DOK5: variants seen among roughly 807,000 people sequenced by gnomAD.
The protein encoded by DOK5 is docking protein 5, also known as downstream of tyrosine kinase 5.
A neutral mutation model predicts 43.3 loss-of-function variants in DOK5; 27 were observed. The ratio of observed to expected loss-of-function variants is 0.62; its 90% CI spans 0.46 to 0.86. The LOEUF (loss-of-function observed/expected upper bound fraction) is 0.86. DOK5 is among the 40% of genes least tolerant of loss of function. The pLI, the probability that DOK5 is intolerant of heterozygous loss-of-function variation, is 0.00. For missense variants in DOK5, 373 were observed against 392.9 expected (o/e 0.95, Z 0.43); for synonymous variants, 146 against 140.1 (o/e 1.04, Z -0.30).
At chr20:54,534,928 C>T (rs1347210753) in intron 1 of DOK5, among the ~76,000 whole-genome samples, 1 of 152,022 alleles carries the variant, frequency 6.6e-6, no homozygotes, top group Non-Finnish European at 1.5e-5. Context: ...CCTCCACCTT[C>T]CAGGTTCAAG....
chr20:54,544,565 G>A (rs1000076827), intron 1 of DOK5, among the ~76,000 whole-genome samples: 1 of 152,198 alleles, frequency 6.6e-6, no homozygotes, highest in Non-Finnish European at 1.5e-5. Context: ...CAAGACAGAG[G>A]AATTGCAGTA....
chr20:54,588,374 T>C (rs1288216918), intron 2 of DOK5, 109 bp from the exon 3 acceptor site: 3 of 811,062 alleles, frequency 3.7e-6, no homozygotes, highest in Non-Finnish European at 6.3e-6. Context: ...TTCAACAGGT[T>C]GTGCTCAGCT....
At chr20:54,524,582 G>A (rs368271990) in intron 1 of DOK5, among the ~76,000 whole-genome samples, 29 of 152,306 alleles carry the variant, frequency 1.9e-4, no homozygotes, top group African/African-American at 7.0e-4. Flanking sequence ...GATGTTGGTT[G>A]TATTTCCTTC....
intron 5 of DOK5, among the ~76,000 whole-genome samples, chr20:54,607,417 T>TGC (rs1259790373): frequency 6.6e-6 from 1 of 151,584 alleles, no homozygotes; most frequent in Non-Finnish European, 1.5e-5. Flanking sequence ...TGTGTGTGTG[T>TGC]GTGTGTGTGT....
chr20:54,529,017 C>A (rs1278805961), intron 1 of DOK5, among the ~76,000 whole-genome samples: 1 of 152,160 alleles, frequency 6.6e-6, no homozygotes, highest in South Asian at 2.1e-4. Flanking sequence ...AATGGATCAC[C>A]TCCTGCATGA....
chr20:54,528,842 A>G (rs756408418), intron 1 of DOK5, among the ~76,000 whole-genome samples: 6 of 152,170 alleles, frequency 3.9e-5, no homozygotes, highest in Non-Finnish European at 7.4e-5. Context: ...ATTTTAAAAT[A>G]ATGAGTTAAA....
intron 6 of DOK5, among the ~76,000 whole-genome samples, chr20:54,612,336 G>A (rs565812980): frequency 1.3e-5 from 2 of 152,282 alleles, no homozygotes; most frequent in Admixed American, 1.3e-4. Flanking sequence ...TTTCAGAGGT[G>A]GTGGACGTGG....
rs11432564 is a variant in DOK5 at position 54,593,260 on chromosome 20, G to GAAA, written c.599+1466_599+1468dup. Among the ~76,000 whole-genome samples, 12 of 142,422 alleles carry GAAA rather than the reference G, an allele frequency of 8.4e-5. No individual in the cohort carries two copies. In the East Asian group the frequency reaches 2.6e-3, roughly 30 times the overall value. The allele number at this position is 142,422 out of a possible 152,430, so 93.4% of individuals were successfully genotyped here. Reference sequence around the variant, plus strand: ...TGACAGAGCGAGACTCTGTCTCCCAGAAAAAAAAAAAAATTACATTTTAAA... The same window carrying GAAA: ...TGACAGAGCGAGACTCTGTCTCCCAGAAAAAAAAAAAAAAAATTACATTTTAAA... On this transcript the variant is annotated intron_variant, in intron 5 of 7. Coordinates refer to ENST00000262593, the MANE Select transcript of DOK5 (RefSeq NM_018431.5).
chr20:54,604,015 C>T (rs946012634), intron 5 of DOK5, among the ~76,000 whole-genome samples: 3 of 140,534 alleles, frequency 2.1e-5, no homozygotes, highest in Middle Eastern at 4.1e-3. Flanking sequence ...GGCGCGATCT[C>T]GGCTCACTGC....
intron 1 of DOK5, among the ~76,000 whole-genome samples, chr20:54,509,118 C>T (rs991635921): frequency 2.6e-5 from 4 of 151,814 alleles, no homozygotes; most frequent in African/African-American, 9.7e-5. Flanking sequence ...TCAAGTGATC[C>T]ACTTGCCTTG....
chr20:54,591,477 G>T, intron 4 of DOK5, 139 bp from the exon 5 acceptor site: 2 of 588,074 alleles, frequency 3.4e-6, no homozygotes, highest in Non-Finnish European at 5.7e-6. Flanking sequence ...TTAATTAATA[G>T]GAAAGGTTTA....
At chr20:54,621,462 C>T (rs547380956) in intron 6 of DOK5, among the ~76,000 whole-genome samples, 23 of 152,132 alleles carry the variant, frequency 1.5e-4, no homozygotes, top group East Asian at 7.7e-4. Context: ...AAGGCTGAAG[C>T]GGGCAGATCA....
chr20:54,498,222 G>T (rs1982472507), intron 1 of DOK5, among the ~76,000 whole-genome samples: 1 of 152,146 alleles, frequency 6.6e-6, no homozygotes. Flanking sequence ...CATAATTATT[G>T]TGTCATTGTC....
intron 2 of DOK5, among the ~76,000 whole-genome samples, chr20:54,586,301 G>C (rs1298083231): frequency 1.3e-5 from 2 of 152,128 alleles, no homozygotes; most frequent in East Asian, 3.9e-4. Flanking sequence ...AGAATAGAGA[G>C]AAGAGAAATG....
intron 2 of DOK5, among the ~76,000 whole-genome samples, chr20:54,581,741 G>T (rs763540233): frequency 6.6e-6 from 1 of 151,724 alleles, no homozygotes; most frequent in Non-Finnish European, 1.5e-5. Flanking sequence ...ATTTTGTATC[G>T]TGCCATTTTA....
chr20:54,601,946 T>G (rs1986310355), intron 5 of DOK5, among the ~76,000 whole-genome samples: 1 of 152,236 alleles, frequency 6.6e-6, no homozygotes, highest in Non-Finnish European at 1.5e-5. Context: ...TATTTTATTC[T>G]GTTTTCACCC....
chr20:54,485,808 G>T (rs1473504092), intron 1 of DOK5, among the ~76,000 whole-genome samples: 1 of 152,126 alleles, frequency 6.6e-6, no homozygotes, highest in Non-Finnish European at 1.5e-5. Context: ...CTGCATCTTT[G>T]CCAGCATTTG....
chr20:54,513,790 GAGA>G (rs2146689734), intron 1 of DOK5, among the ~76,000 whole-genome samples: 2 of 152,312 alleles, frequency 1.3e-5, no homozygotes, highest in South Asian at 4.1e-4. Context: ...TATTTTTCAG[GAGA>G]AGAATTTTGA....
intron 2 of DOK5, among the ~76,000 whole-genome samples, chr20:54,562,401 T>C (rs755601206): frequency 6.6e-6 from 1 of 152,156 alleles, no homozygotes; most frequent in Non-Finnish European, 1.5e-5. Flanking sequence ...GATAATGACA[T>C]CATATTTTAA....
Sources: allele counts gnomAD v4.1 joint callset (sites outside exome capture counted in the v4.1 genomes callset), GRCh38; gene constraint gnomAD v4.1.1; transcripts MANE v1.5; gene names NCBI Gene and HGNC (gene_info 2026-07-23, HGNC 2026-07-21).